DNAH11: variants seen among roughly 807,000 people sequenced by gnomAD.
The protein encoded by DNAH11 is axonemal beta dynein heavy chain 11.
A neutral mutation model predicts 526.0 loss-of-function variants in DNAH11; 442 were observed. The observed-to-expected ratio is 0.84, with a 90% CI of 0.78 to 0.91. The LOEUF is 0.91. Among genes scored for constraint, DNAH11 ranks in the 40% least tolerant of loss-of-function variants. The probability of loss-of-function intolerance (pLI) is 0.00; values close to 1 mark genes in which losing one functional copy is unlikely to be tolerated. For missense variants in DNAH11, 6,989 were observed against 5,448.7 expected, an observed-to-expected ratio of 1.28 and a Z score of -8.90; for synonymous variants, 2,461 against 1,935.9, an observed-to-expected ratio of 1.27 and a Z score of -7.12.
chr7:21,662,563 C>A (rs1298735548), intron 30 of DNAH11, among the ~76,000 whole-genome samples: 1 of 152,038 alleles, frequency 6.6e-6, no homozygotes, highest in Non-Finnish European at 1.5e-5. Flanking sequence ...GATGGAATGG[C>A]TAAATCAGGG....
intron 34 of DNAH11, 77 bp downstream of exon 34, chr7:21,687,604 T>C (rs1783436407): frequency 2.0e-6 from 3 of 1,481,350 alleles, no homozygotes; most frequent in Non-Finnish European, 2.7e-6. Flanking sequence ...CTTCACTGTC[T>C]ATTGCTACCT....
chr7:21,811,294 C>T (rs35142802), intron 63 of DNAH11, among the ~76,000 whole-genome samples: 20 of 151,274 alleles, frequency 1.3e-4, no homozygotes, highest in East Asian at 5.9e-4. Flanking sequence ...GAAACCCCCC[C>T]CCCTACTAAA....
chr7:21,671,489 A>G (rs954771400), intron 30 of DNAH11, among the ~76,000 whole-genome samples: 4 of 152,172 alleles, frequency 2.6e-5, no homozygotes, highest in African/African-American at 9.7e-5. Context: ...CATCTGGAAG[A>G]TCTGCCCAGA....
chr7:21,850,585 T>G (rs1254171341), intron 66 of DNAH11, among the ~76,000 whole-genome samples: 1 of 148,330 alleles, frequency 6.7e-6, no homozygotes, highest in African/African-American at 2.5e-5. Context: ...AGTCTTGTCC[T>G]GAGGTTTGCG....
chr7:21,653,646 C>T (rs13239132), intron 28 of DNAH11, among the ~76,000 whole-genome samples: 55,596 of 151,904 alleles, frequency 0.37, 11,912 homozygotes, highest in Non-Finnish European at 0.48. Flanking sequence ...TTAGTGGAGA[C>T]TTTCTCTATA....
intron 30 of DNAH11, among the ~76,000 whole-genome samples, chr7:21,669,422 C>T (rs982396205): frequency 1.3e-5 from 2 of 152,172 alleles, no homozygotes; most frequent in African/African-American, 4.8e-5. Flanking sequence ...CCTCCTGCCT[C>T]GGCCTCCCAA....
chr7:21,770,975 C>G (rs563397435), intron 55 of DNAH11, among the ~76,000 whole-genome samples: 3 of 152,266 alleles, frequency 2.0e-5, no homozygotes, highest in East Asian at 3.9e-4. Flanking sequence ...CCACAAATAT[C>G]TTATTAATAT....
chr7:21,638,591 T>C (rs1031097805), intron 27 of DNAH11, among the ~76,000 whole-genome samples: 1 of 152,160 alleles, frequency 6.6e-6, no homozygotes, highest in Non-Finnish European at 1.5e-5. Context: ...GGTTGAAGGA[T>C]GGCGACCTAG....
intron 61 of DNAH11, among the ~76,000 whole-genome samples, chr7:21,794,626 A>C (rs1167730791): frequency 2.0e-5 from 3 of 152,146 alleles, no homozygotes; most frequent in Non-Finnish European, 4.4e-5. Flanking sequence ...TGCCTTGTAC[A>C]GTGTGGTGCT....
chr7:21,817,979 G>C (rs1235507856), intron 64 of DNAH11, among the ~76,000 whole-genome samples: 1 of 152,042 alleles, frequency 6.6e-6, no homozygotes, highest in African/African-American at 2.4e-5. Context: ...TCTATACATA[G>C]ATTTATTAGT....
intron 25 of DNAH11, among the ~76,000 whole-genome samples, chr7:21,629,093 A>G (rs73072263): frequency 0.092 from 13,971 of 151,770 alleles, 847 homozygotes; most frequent in Non-Finnish European, 0.13. Context: ...ATAGATTTTG[A>G]TATGTTTTAT....
chr7:21,749,622 C>G, intron 52 of DNAH11, 56 bp from the exon 53 acceptor site: 1 of 1,601,438 alleles, frequency 6.2e-7, no homozygotes, highest in Non-Finnish European at 8.5e-7. Flanking sequence ...CACACACAAC[C>G]TCTCAACGCC....
At chr7:21,638,254 C>A (rs906308680) in intron 27 of DNAH11, among the ~76,000 whole-genome samples, 2 of 152,088 alleles carry the variant, frequency 1.3e-5, no homozygotes, top group African/African-American at 2.4e-5. Flanking sequence ...GAAGTGCGAT[C>A]CTTTTTTTAT....
At chr7:21,786,027 A>C (rs528057346) in intron 58 of DNAH11, among the ~76,000 whole-genome samples, 1 of 152,332 alleles carries the variant, frequency 6.6e-6, no homozygotes, top group South Asian at 2.1e-4. Flanking sequence ...CCTGATACAT[A>C]TAATTTATAC....
At chr7:21,676,939 C>G (rs937245467) in intron 30 of DNAH11, among the ~76,000 whole-genome samples, 1 of 152,152 alleles carries the variant, frequency 6.6e-6, no homozygotes, top group African/African-American at 2.4e-5. Flanking sequence ...ATTAATTCAT[C>G]TGTTCAGCAT....
chr7:21,721,991 G>T (rs533813807), intron 44 of DNAH11, among the ~76,000 whole-genome samples: 1 of 152,042 alleles, frequency 6.6e-6, no homozygotes, highest in Non-Finnish European at 1.5e-5. Flanking sequence ...TAGCCCTTTT[G>T]TGTCTTCTGA....
At chr7:21,859,631 A>G (rs886066071) in intron 68 of DNAH11, among the ~76,000 whole-genome samples, 3 of 152,220 alleles carry the variant, frequency 2.0e-5, no homozygotes, top group Non-Finnish European at 4.4e-5. Flanking sequence ...TCAAATATAC[A>G]TACTTCAAGG....
At chr7:21,889,643 G>T (rs1784260394) in intron 76 of DNAH11, among the ~76,000 whole-genome samples, 1 of 152,182 alleles carries the variant, frequency 6.6e-6, no homozygotes. Flanking sequence ...TGTCCCTGAA[G>T]ACTAACAATG....
At chr7:21,807,804 A>C (rs1372299176) in intron 62 of DNAH11, 79 bp from the exon 63 acceptor site, 2 of 1,415,852 alleles carry the variant, frequency 1.4e-6, no homozygotes, top group African/African-American at 2.8e-5. Flanking sequence ...AAACCTTGCC[A>C]TAAGGTAATT....
Sources: gnomAD v4.1 joint callset for allele counts (sites outside exome capture counted in the v4.1 genomes callset) on GRCh38, gnomAD v4.1.1 for gene constraint, MANE v1.5 for transcripts, NCBI Gene and HGNC (gene_info 2026-07-23, HGNC 2026-07-21) for gene names.